The following NBPF15 variants were observed in gnomAD, a reference collection of about 807,000 sequenced individuals.
The protein encoded by NBPF15 is NBPF member 15, also known as NBPF family member NBPF15.
A neutral mutation model predicts 62.2 loss-of-function variants in NBPF15; 74 were observed. That is an observed-to-expected ratio of 1.19 (90% CI 0.99 to 1.44). The LOEUF (loss-of-function observed/expected upper bound fraction) is 1.44, where lower values mean the gene tolerates loss of function less well. NBPF15 is among the 40% of genes most tolerant of loss of function. The pLI, the probability that NBPF15 is intolerant of heterozygous loss-of-function variation, is 0.00. For missense variants in NBPF15, 790 were observed against 550.0 expected (o/e 1.44, Z -4.36); for synonymous variants, 244 against 209.7 (o/e 1.16, Z -1.41).
In NBPF15 at chr1:144,439,228, C is replaced by A. The variant is rs1285438908; in HGVS notation, c.175+601G>T. Among the ~76,000 whole-genome samples, 363 of 151,832 alleles carry A rather than the reference C, an allele frequency of 2.4e-3. 8 individuals carry two copies. The highest frequency in any genetic ancestry group is 9.7e-4 in the East Asian group (5 of 5,140). ...CAAACTCCTGACCTCATGATCTGCC[C>A]GCCTCAGCCTCCCAAAGTGCTGGGA... On this transcript the variant is annotated intron_variant, in intron 8 of 21. Coordinates refer to ENST00000581897, the MANE Select transcript of NBPF15 (RefSeq NM_001385408.1).
chr1:144,424,507 A>T (rs1553538880), intron 20 of NBPF15, among the ~76,000 whole-genome samples, 183 bp downstream of exon 20: 6 of 152,018 alleles, frequency 3.9e-5, no homozygotes, highest in Non-Finnish European at 8.8e-5. Context: ...AGTCTTGCTC[A>T]CTGACCCATC....
At position 144,435,106 on chromosome 1, in the gene NBPF15, G is replaced by T. The variant is rs1233834528; in HGVS notation, c.772+5C>A. The T allele has an allele frequency of 2.5e-5, 40 of 1,612,498 alleles. 1 individual carries two copies. The South Asian group carries it at 4.3e-4, about 17-fold the overall frequency. On this transcript the variant is annotated splice_donor_5th_base_variant and intron_variant, in intron 12 of 21. Transcript: ENST00000581897. ...GGTATGAGACACAAGGAAAACAGAG[G>T]CTACCTGGAATAATGTGTACAGCAT...
rs1650798213 is a variant in NBPF15, at chr1:144,459,483, T to G, written c.-818A>C. The G allele has an allele frequency of 6.6e-6, 1 of 151,044 alleles. No individual in the cohort carries two copies. The highest frequency in any genetic ancestry group is 6.6e-5 in the Admixed American group (1 of 15,210). 9.4% of individuals were successfully genotyped at this position (151,044 alleles called of 1,614,324 possible). A position where few individuals can be genotyped will look rare whatever the true frequency, so the allele number is the denominator to read the frequency against. On this transcript the variant is annotated splice_region_variant and 5_prime_UTR_variant, in exon 3 of 22. Coordinates refer to ENST00000581897, the MANE Select transcript of NBPF15 (RefSeq NM_001385408.1). ...CTCCAGCCTGGGCAACAGAGTGAGATCTTGTCTCAAAAAGAAAAAAAAAGT... is the reference window on the plus strand; with the variant it reads ...CTCCAGCCTGGGCAACAGAGTGAGAGCTTGTCTCAAAAAGAAAAAAAAAGT...
chr1:144,426,213 C>A (rs1396890506), intron 18 of NBPF15, 65 bp downstream of exon 18: 5 of 585,464 alleles, frequency 8.5e-6, no homozygotes, highest in Non-Finnish European at 1.4e-5. Context: ...CCACTTGGAA[C>A]AGGAATATCA....
At chr1:144,442,643 C>T (rs1371179791) in intron 6 of NBPF15, 21 of 154,328 alleles carry the variant, frequency 1.4e-4, no homozygotes, top group East Asian at 3.9e-4. Flanking sequence ...TGTTAGGACA[C>T]GGCCATTGTT....
At position 144,436,994 on chromosome 1, in the gene NBPF15, T is replaced by A. The variant is rs1553541408; in HGVS notation, c.394A>T (p.Thr132Ser). 1 of 1,391,620 alleles carries A rather than the reference T, an allele frequency of 7.2e-7. No homozygotes were observed. Among genetic ancestry groups the A allele is most frequent in the South Asian group, 1.2e-5 (1 of 86,106 alleles). 86.2% of individuals were successfully genotyped at this position (1,391,620 alleles called of 1,614,324 possible). ...SLNEHLQALL[T>S]PDEPDKSQGQ... is the part of the protein sequence containing the mutation. ...TGGGACTTGTCCGGCTCATCCGGAG[T>A]GAGGAGGGCCTGGAGATGCTCATTC... Residue 132 changes from threonine to serine, a missense_variant, in exon 10 of 22, where the codon ACT becomes TCT. By Grantham distance (58) the Thr-to-Ser change is moderately conservative (BLOSUM62 1). Coordinates refer to ENST00000581897, the MANE Select transcript of NBPF15 (RefSeq NM_001385408.1).
chr1:144,452,115 G>A (rs1691562875), intron 4 of NBPF15, among the ~76,000 whole-genome samples: 1 of 151,488 alleles, frequency 6.6e-6, no homozygotes, highest in South Asian at 2.1e-4. Flanking sequence ...TGGCGCCGTT[G>A]CATTCGAGCC....
intron 4 of NBPF15, among the ~76,000 whole-genome samples, chr1:144,451,442 C>G (rs1242520645): frequency 6.6e-6 from 1 of 151,002 alleles, no homozygotes; most frequent in Non-Finnish European, 1.5e-5. Context: ...CAGCACAGAC[C>G]CTTTACGGGT....
Position 144,442,868 on chromosome 1 carries a change from G to T in NBPF15, c.-190-2573C>A, listed in dbSNP as rs1373894012. The T allele has an allele frequency of 2.4e-5, 5 of 209,282 alleles. No individual in the cohort carries two copies. The East Asian group carries it at 5.8e-4, about 24-fold the overall frequency. 13.0% of individuals were successfully genotyped at this position (209,282 alleles called of 1,614,324 possible). ...GATCTTCATATGAAGAGCATCGGTGGAGTCCCCACCTTCAACGTCATTGTC... is the reference window on the plus strand; with the variant it reads ...GATCTTCATATGAAGAGCATCGGTGTAGTCCCCACCTTCAACGTCATTGTC... On this transcript the variant is annotated intron_variant, in intron 6 of 21. Transcript: ENST00000581897.
intron 14 of NBPF15, among the ~76,000 whole-genome samples, chr1:144,428,859 C>G (rs1471360098): frequency 1.3e-5 from 2 of 151,850 alleles, no homozygotes; most frequent in African/African-American, 2.4e-5. Context: ...GGGCAAAATT[C>G]CCCTGTTTTG....
chr1:144,452,337 G>A (rs1571161194), intron 4 of NBPF15, among the ~76,000 whole-genome samples: 1 of 151,904 alleles, frequency 6.6e-6, no homozygotes, highest in Non-Finnish European at 1.5e-5. Flanking sequence ...GCCATAAACA[G>A]GACTACTATT....
rs587689756 is a variant in NBPF15 at position 144,456,512 on chromosome 1, G to A, written c.-432+25C>T. The A allele has an allele frequency of 7.0e-6, 9 of 1,293,582 alleles. No individual in the cohort carries two copies. The East Asian group carries it at 1.7e-4, about 25-fold the overall frequency. 80.1% of individuals were successfully genotyped at this position (1,293,582 alleles called of 1,614,324 possible). A position where few individuals can be genotyped will look rare whatever the true frequency, so the allele number is the denominator to read the frequency against. On this transcript the variant is annotated intron_variant, in intron 4 of 21. Coordinates refer to ENST00000581897, the MANE Select transcript of NBPF15 (RefSeq NM_001385408.1). ...AAAAAGGACTCTCTGACTCCATCGAGCTGGCAATGCCTCAGGGTTTTTACC... is the reference window on the plus strand; with the variant it reads ...AAAAAGGACTCTCTGACTCCATCGAACTGGCAATGCCTCAGGGTTTTTACC...
chr1:144,455,722 A>G (rs1411294344), intron 4 of NBPF15, among the ~76,000 whole-genome samples: 4 of 151,980 alleles, frequency 2.6e-5, no homozygotes, highest in Admixed American at 2.0e-4. Flanking sequence ...GACCTGGTGG[A>G]CGGCCACGTG....
chr1:144,436,733 T>G (rs1338724036), intron 10 of NBPF15, among the ~76,000 whole-genome samples, 162 bp downstream of exon 10: 2 of 152,038 alleles, frequency 1.3e-5, no homozygotes, highest in Non-Finnish European at 2.9e-5. Flanking sequence ...CCCCATGGGT[T>G]TCCCATCTCC....
At chr1:144,439,098 C>T (rs1680926595) in intron 8 of NBPF15, among the ~76,000 whole-genome samples, 1 of 151,856 alleles carries the variant, frequency 6.6e-6, no homozygotes, top group African/African-American at 2.4e-5. Context: ...ATTCTCCTGC[C>T]TCAGCCTCCT....
chr1:144,436,339 G>A (rs1354307681), intron 10 of NBPF15, among the ~76,000 whole-genome samples: 2 of 152,046 alleles, frequency 1.3e-5, no homozygotes, highest in Admixed American at 1.3e-4. Context: ...GCTCCAGTCT[G>A]AAGCACTTCC....
Position 144,427,918 on chromosome 1 carries a change from A to T in NBPF15, c.1113T>A (p.Thr371=). ...LQDSLDRCYS[T]PSGCLELTDS... ...CAGTCAGTTCAAGACAACCTGAAGG[A>T]GTTGAATAACATCTATCCAGTGAGT... Residue 371 remains threonine (T), a synonymous_variant, in exon 16 of 22, where the codon ACT becomes ACA. Transcript: ENST00000581897. The T allele has an allele frequency of 1.4e-6, 1 of 725,076 alleles. No individual in the cohort carries two copies. The allele number at this position is 725,076 out of a possible 1,614,324, so 44.9% of individuals were successfully genotyped here. A position where few individuals can be genotyped will look rare whatever the true frequency, so the allele number is the denominator to read the frequency against.
chr1:144,453,369 A>G (rs1558620141), intron 4 of NBPF15, among the ~76,000 whole-genome samples: 1 of 151,998 alleles, frequency 6.6e-6, no homozygotes, highest in Non-Finnish European at 1.5e-5. Context: ...CAAAACCATA[A>G]GAATCCTAGG....
intron 17 of NBPF15, among the ~76,000 whole-genome samples, chr1:144,426,732 A>G (rs1372049824): frequency 6.6e-6 from 1 of 151,850 alleles, no homozygotes; most frequent in African/African-American, 2.4e-5. Context: ...ACTCTGAGTT[A>G]GTGCGCTCGG....
Sources: allele counts gnomAD v4.1 joint callset (sites outside exome capture counted in the v4.1 genomes callset), GRCh38; gene constraint gnomAD v4.1.1; transcripts MANE v1.5; gene names NCBI Gene and HGNC (gene_info 2026-07-23, HGNC 2026-07-21).